Variants in EIF3A observed in about 807,000 individuals in gnomAD.
The protein encoded by EIF3A is EIF3, p180 subunit.
EIF3A carries 21 observed loss-of-function variants against 186.6 expected under a neutral mutation model. The ratio of observed to expected loss-of-function variants is 0.11; its 90% CI spans 0.08 to 0.16. EIF3A has a LOEUF of 0.16. EIF3A is among the 10% of genes least tolerant of loss of function. EIF3A has a pLI of 1.00. For missense variants in EIF3A, 1,306 were observed against 1,796.3 expected (o/e 0.73, Z 4.93); for synonymous variants, 563 against 584.3 (o/e 0.96, Z 0.52).
At chr10:119,060,996 T>C in intron 8 of EIF3A, 152 bp from the exon 9 acceptor site, 1 of 621,400 alleles carries the variant, frequency 1.6e-6, no homozygotes, top group Non-Finnish European at 2.7e-6. Flanking sequence ...TGTTTGAAGG[T>C]GACTGGCAGC....
intron 17 of EIF3A, among the ~76,000 whole-genome samples, chr10:119,049,576 G>A (rs1258896051): frequency 2.7e-5 from 4 of 150,022 alleles, no homozygotes; most frequent in Admixed American, 2.7e-4. Context: ...AGAACTGGGT[G>A]ATAAAAATAC....
At chr10:119,039,033 C>T (rs1564748211) in intron 19 of EIF3A, among the ~76,000 whole-genome samples, 2 of 152,108 alleles carry the variant, frequency 1.3e-5, no homozygotes, top group South Asian at 2.1e-4. Flanking sequence ...TCCTATTGCA[C>T]GCAGATTTCA....
chr10:119,042,743 T>C lies in EIF3A; in HGVS notation c.2777A>G (p.Glu926Gly), dbSNP rs753819887. ...KEWRRGEGRD[E>G]DRSHRRDEER... The stretch of plus-strand genomic sequence containing the variant: ...TTCATCTCTTCTATGAGACCTGTCC[T>C]CATCTCGCCCTTCTCCACGTCTCCA... Residue 926 changes from glutamate (E) to glycine (G), a missense_variant, in exon 19 of 22, where the codon GAG becomes GGG. Around this residue, in one of 8 missense-constraint regions of EIF3A, gnomAD observed 410 missense variants for 473.5 expected, o/e 0.87. Coordinates refer to ENST00000369144, the MANE Select transcript of EIF3A (RefSeq NM_003750.4). This position sits in a 1 kb window ranked among gnomAD's most constrained non-coding sequence, Gnocchi z 7.8. 1.6e-5 allele frequency: 25 copies of C among 1,609,478 alleles called. No individual in the cohort carries two copies. The highest frequency in any genetic ancestry group is 1.6e-4 in the Middle Eastern group (1 of 6,074).
In EIF3A at chr10:119,034,424, G is replaced by A. The variant is rs144855645; in HGVS notation, c.*1615C>T. The stretch of plus-strand genomic sequence containing the variant: ...TCACACATACAGATCTACTCTCCAG[G>A]AAGCAAACTCTTAGCAAGTTACTGC... On this transcript the variant is annotated 3_prime_UTR_variant, in exon 22 of 22. Transcript: ENST00000369144. 7.8e-5 allele frequency: 12 copies of A among 152,920 alleles called. No homozygotes were observed. In the East Asian group the frequency reaches 1.9e-3, roughly 25 times the overall value. The allele number at this position is 152,920 out of a possible 1,614,324, so 9.5% of individuals were successfully genotyped here.
Position 119,059,196 on chromosome 10 carries a change from C to T in EIF3A, c.1629+16G>A, listed in dbSNP as rs769514193. Reference sequence around the variant, plus strand: ...CTCAAAACTTCTGGGATTTATTTCCCCGGGAAGATGCATACCAGTATATGA... The same window carrying T: ...CTCAAAACTTCTGGGATTTATTTCCTCGGGAAGATGCATACCAGTATATGA... On this transcript the variant is annotated intron_variant, in intron 11 of 21. Coordinates refer to ENST00000369144, the MANE Select transcript of EIF3A (RefSeq NM_003750.4). The T allele has an allele frequency of 6.2e-7, 1 of 1,606,688 alleles. No homozygotes were observed. The highest frequency in any genetic ancestry group is 1.7e-5 in the Admixed American group (1 of 58,328).
chr10:119,039,379 G>A (rs986445034), intron 19 of EIF3A, among the ~76,000 whole-genome samples: 2 of 152,108 alleles, frequency 1.3e-5, no homozygotes, highest in African/African-American at 4.8e-5. Context: ...GTGCTAAAAT[G>A]CTGTCTAGTG....
chr10:119,073,356 C>A, intron 3 of EIF3A, 85 bp downstream of exon 3: 1 of 1,039,070 alleles, frequency 9.6e-7, no homozygotes, highest in Non-Finnish European at 1.4e-6. Flanking sequence ...TGATAAACAT[C>A]TACTTCAAAA....
At chr10:119,052,368 T>TTGTGTGTGTGTGTGTGTG (rs61029991) in intron 14 of EIF3A, among the ~76,000 whole-genome samples, 1,355 of 123,044 alleles carry the variant, frequency 0.011, 47 homozygotes, top group African/African-American at 0.029. Context: ...TTTTTTGGTT[T>TTGTGTGTGTGTGTGTGTG]TGTGTGTGTG....
At chr10:119,048,199 CA>C (rs1361273977) in intron 17 of EIF3A, among the ~76,000 whole-genome samples, 1 of 152,042 alleles carries the variant, frequency 6.6e-6, no homozygotes, top group Admixed American at 6.6e-5. Flanking sequence ...GCACAGTGAT[CA>C]AACATGCTGT....
intron 17 of EIF3A, among the ~76,000 whole-genome samples, chr10:119,049,045 C>A (rs896317393): frequency 6.6e-5 from 10 of 152,322 alleles, no homozygotes; most frequent in Non-Finnish European, 1.5e-4. Context: ...ACAAAACTTT[C>A]ATGACACGCA....
At chr10:119,080,010 A>G (rs1564764111) in intron 1 of EIF3A, among the ~76,000 whole-genome samples, 1 of 152,202 alleles carries the variant, frequency 6.6e-6, no homozygotes, top group Non-Finnish European at 1.5e-5. Context: ...AAAACAAAAC[A>G]ACAGGAATCA....
chr10:119,057,102 T>A (rs1843794945), intron 12 of EIF3A, 62 bp from the exon 13 acceptor site: 3 of 900,054 alleles, frequency 3.3e-6, no homozygotes, highest in Non-Finnish European at 5.3e-6. Context: ...CTAACATAAC[T>A]CACTGCTTTC....
At chr10:119,066,782 A>G (rs1324756621) in intron 6 of EIF3A, among the ~76,000 whole-genome samples, 1 of 152,102 alleles carries the variant, frequency 6.6e-6, no homozygotes, top group Non-Finnish European at 1.5e-5. Flanking sequence ...AAGATACTTA[A>G]TTTTCTGAGT....
intron 17 of EIF3A, among the ~76,000 whole-genome samples, chr10:119,046,135 T>C (rs1273391538): frequency 6.6e-6 from 1 of 152,168 alleles, no homozygotes; most frequent in East Asian, 1.9e-4. Flanking sequence ...CTCAGGTATC[T>C]AAACACAGTC....
intron 17 of EIF3A, among the ~76,000 whole-genome samples, chr10:119,046,881 T>A (rs547700897): frequency 6.6e-6 from 1 of 151,918 alleles, no homozygotes; most frequent in Non-Finnish European, 1.5e-5. Flanking sequence ...CACTTGAACC[T>A]GGAAGGTGGA....
chr10:119,042,876 G>T lies in EIF3A; in HGVS notation c.2748-104C>A. ...CTTTTTAAAAACTTCAGTATGGGCC[G>T]GAGCAGTGGCTCGCACCTTTAATCC... On this transcript the variant is annotated intron_variant, in intron 18 of 21. Transcript: ENST00000369144. The surrounding 1 kb of genome is among the most constrained non-coding windows in gnomAD (Gnocchi z 7.8). The T allele has an allele frequency of 8.3e-7, 1 of 1,206,662 alleles. No homozygotes were observed. The highest frequency in any genetic ancestry group is 1.1e-6 in the Non-Finnish European group (1 of 885,030). 74.7% of individuals were successfully genotyped at this position (1,206,662 alleles called of 1,614,324 possible).
In EIF3A at chr10:119,051,215, C is replaced by T. The variant is rs1848352401; in HGVS notation, c.2303G>A (p.Arg768Gln). The T allele has an allele frequency of 6.2e-7, 1 of 1,608,858 alleles. No homozygotes were observed. Among genetic ancestry groups the T allele is most frequent in the Non-Finnish European group, 8.5e-7 (1 of 1,178,718 alleles). ...DLFVMRLKAARQSVYEEKLKQ... is the reference protein window; with the variant it reads ...DLFVMRLKAAQQSVYEEKLKQ... Reference sequence around the variant, plus strand: ...CAAGCTCACCTCATAAACAGACTGCCGTGCAGCTTTGAGTCGCATTACGAA... The same window carrying T: ...CAAGCTCACCTCATAAACAGACTGCTGTGCAGCTTTGAGTCGCATTACGAA... Residue 768 changes from arginine (R) to glutamine (Q), a missense_variant, in exon 15 of 22, where the codon CGG becomes CAG. Arg to Gln is a conservative substitution (Grantham distance 43). Transcript: ENST00000369144.
intron 6 of EIF3A, among the ~76,000 whole-genome samples, chr10:119,068,971 CAAAAAAAAAAA>C (rs59413780): frequency 2.0e-5 from 2 of 99,024 alleles, no homozygotes; most frequent in Non-Finnish European, 4.2e-5. Context: ...CTCTGTCTTG[CAAAAAAAAAAA>C]AAAAAAAAGA....
chr10:119,037,081 C>T (rs767231330), intron 21 of EIF3A, 38 bp downstream of exon 21: 1 of 529,812 alleles, frequency 1.9e-6, no homozygotes. Flanking sequence ...CCAGAAACGA[C>T]AGTTCTCCAA....
Sources: gnomAD v4.1 joint callset for allele counts (sites outside exome capture counted in the v4.1 genomes callset) on GRCh38, gnomAD v4.1.1 for gene constraint, gnomAD v4.1.1 regional missense constraint, Gnocchi (gnomAD v3.1) non-coding constraint, MANE v1.5 for transcripts, NCBI Gene and HGNC (gene_info 2026-07-23, HGNC 2026-07-21) for gene names.